Variants in PAX2 observed in about 807,000 individuals in gnomAD.
PAX2 encodes the protein paired box protein Pax-2.
PAX2 carries 9 observed loss-of-function variants against 41.7 expected under a neutral mutation model. The ratio of observed to expected loss-of-function variants is 0.22; its 90% CI spans 0.13 to 0.38. The LOEUF is 0.38. Ranked by LOEUF, PAX2 falls within the 10% of genes least tolerant of loss-of-function variation. The pLI, the probability that PAX2 is intolerant of heterozygous loss-of-function variation, is 1.00. For synonymous variants in PAX2, 221 were observed against 212.7 expected (o/e 1.04, Z -0.34); for missense variants, 418 against 531.6 (o/e 0.79, Z 2.10).
chr10:100,753,357 G>T (rs1465521136), intron 3 of PAX2, among the ~76,000 whole-genome samples: 2 of 152,184 alleles, frequency 1.3e-5, no homozygotes, highest in African/African-American at 4.8e-5. Context: ...ATCCCTGTAG[G>T]TGCTTTTTGC....
intron 3 of PAX2, among the ~76,000 whole-genome samples, chr10:100,753,362 T>A (rs1364304353): frequency 6.6e-6 from 1 of 152,160 alleles, no homozygotes; most frequent in East Asian, 1.9e-4. Context: ...TGTAGGTGCT[T>A]TTTGCTCTGA....
chr10:100,796,175 T>C (rs148028246), intron 5 of PAX2, among the ~76,000 whole-genome samples: 112 of 152,350 alleles, frequency 7.4e-4, no homozygotes, highest in Middle Eastern at 3.4e-3. Context: ...GAAGAGATAG[T>C]AAATTTTTAA....
intron 3 of PAX2, among the ~76,000 whole-genome samples, chr10:100,773,233 G>A (rs933573780): frequency 1.3e-5 from 2 of 152,166 alleles, no homozygotes; most frequent in African/African-American, 4.8e-5. Context: ...GAAGTACATA[G>A]AACATTGCCT....
At chr10:100,825,010 C>G in intron 8 of PAX2, 1 of 1,583,378 alleles carries the variant, frequency 6.3e-7, no homozygotes, top group Non-Finnish European at 8.7e-7. Flanking sequence ...TCCACAGCGC[C>G]CACCCACCCA....
intron 1 of PAX2, among the ~76,000 whole-genome samples, chr10:100,738,644 G>T (rs1844849524): frequency 6.6e-6 from 1 of 152,174 alleles, no homozygotes; most frequent in Admixed American, 6.5e-5. Context: ...GTTATCCGCG[G>T]GTCTAGACCT....
chr10:100,808,521 G>A (rs562582578), intron 6 of PAX2, among the ~76,000 whole-genome samples: 1 of 152,264 alleles, frequency 6.6e-6, no homozygotes, highest in Admixed American at 6.5e-5. Context: ...GTTTCAGGCA[G>A]GACACCCTTT....
intron 3 of PAX2, among the ~76,000 whole-genome samples, chr10:100,754,855 A>G (rs1249764384): frequency 3.3e-5 from 5 of 152,168 alleles, no homozygotes; most frequent in Non-Finnish European, 5.9e-5. Flanking sequence ...ACTGCCTACC[A>G]CATCTCCATA....
At position 100,829,273 on chromosome 10, in the gene PAX2, T is replaced by G. The variant is rs1276757976; in HGVS notation, c.*1654T>G. 1 of 230,434 alleles carries G rather than the reference T, an allele frequency of 4.3e-6. No individual in the cohort carries two copies. The highest frequency in any genetic ancestry group is 2.2e-5 in the African/African-American group (1 of 45,066). The allele number at this position is 230,434 out of a possible 1,614,324, so 14.3% of individuals were successfully genotyped here. ...CCGCTTCTCTCCCCCTCTGTCTCTGTCTCTCTCCGTCTCTGTCGCTCTTGT... is the reference window on the plus strand; with the variant it reads ...CCGCTTCTCTCCCCCTCTGTCTCTGGCTCTCTCCGTCTCTGTCGCTCTTGT... On this transcript the variant is annotated 3_prime_UTR_variant, in exon 10 of 10. Coordinates refer to ENST00000355243, the MANE Select transcript of PAX2 (RefSeq NM_000278.5).
At chr10:100,821,086 C>T (rs1288534462) in intron 7 of PAX2, among the ~76,000 whole-genome samples, 1 of 152,204 alleles carries the variant, frequency 6.6e-6, no homozygotes, top group Non-Finnish European at 1.5e-5. Context: ...ATTCCATTAC[C>T]CATTCATATT....
intron 5 of PAX2, among the ~76,000 whole-genome samples, chr10:100,795,560 C>A (rs1346763647): frequency 6.6e-6 from 1 of 152,204 alleles, no homozygotes; most frequent in Admixed American, 6.5e-5. Context: ...TCACCATTTT[C>A]TTTTCTGTTG....
At chr10:100,742,199 A>C (rs1844977793), upstream of PAX2, among the ~76,000 whole-genome samples, 1 of 152,220 alleles carries the variant, frequency 6.6e-6, no homozygotes, top group Non-Finnish European at 1.5e-5. Flanking sequence ...GGTTTCTGGA[A>C]GGCAGCGGGA....
In PAX2 at chr10:100,789,060, G is replaced by T. The variant is rs113611716; in HGVS notation, c.616+7695G>T. On this transcript the variant is annotated intron_variant, in intron 5 of 9. Coordinates refer to ENST00000355243, the MANE Select transcript of PAX2 (RefSeq NM_000278.5). ...CCCAGACCCTGGTTCAGCACTGTAA[G>T]AAGGCATTTATGTTGGTAGGGGGCA... Among the ~76,000 whole-genome samples, 583 of 152,260 alleles carry T rather than the reference G, an allele frequency of 3.8e-3. 4 individuals are homozygous for T. Among genetic ancestry groups the T allele is most frequent in the African/African-American group, 0.013 (552 of 41,544 alleles).
chr10:100,787,057 C>G (rs1246593318), intron 5 of PAX2: 1 of 1,138,768 alleles, frequency 8.8e-7, no homozygotes, highest in Non-Finnish European at 1.2e-6. Context: ...AGGGAAATAG[C>G]TTGGGGGTGG....
At chr10:100,808,005 G>A (rs1455459018) in intron 6 of PAX2, among the ~76,000 whole-genome samples, 3 of 152,154 alleles carry the variant, frequency 2.0e-5, no homozygotes, top group East Asian at 1.9e-4. Context: ...CGAGGCGGGC[G>A]GCTCAGTGCA....
At chr10:100,742,957 CGGCCAGTGACTGGATGAA>C (rs1845023497), upstream of PAX2, among the ~76,000 whole-genome samples, 1 of 137,590 alleles carries the variant, frequency 7.3e-6, no homozygotes, top group Non-Finnish European at 1.5e-5. Flanking sequence ...GTCAGAGGAG[CGGCCAGTGACTGGATGAA>C]GGCCAGCCCT....
At chr10:100,817,239 G>A (rs1042879601) in intron 7 of PAX2, among the ~76,000 whole-genome samples, 2 of 152,212 alleles carry the variant, frequency 1.3e-5, no homozygotes, top group Admixed American at 1.3e-4. Flanking sequence ...TGCCAACTGG[G>A]AAGAGGACTG....
intron 7 of PAX2, among the ~76,000 whole-genome samples, chr10:100,812,057 A>G (rs1166137295): frequency 1.3e-5 from 2 of 152,156 alleles, no homozygotes; most frequent in Non-Finnish European, 2.9e-5. Context: ...TATTGTGTGG[A>G]GGGGAGAGTG....
At chr10:100,749,534 C>G (rs923972012) in intron 1 of PAX2, 60 of 1,357,772 alleles carry the variant, frequency 4.4e-5, no homozygotes, top group Admixed American at 7.0e-5. Flanking sequence ...GAGTCGCCCT[C>G]TCGCCCAGCC....
chr10:100,757,245 G>A (rs9988760), intron 3 of PAX2, among the ~76,000 whole-genome samples: 2,892 of 152,330 alleles, frequency 0.019, 108 homozygotes, highest in African/African-American at 0.067. Context: ...AGGCTCACAG[G>A]ACATGACCTG....
Sources: allele counts gnomAD v4.1 joint callset (sites outside exome capture counted in the v4.1 genomes callset), GRCh38; gene constraint gnomAD v4.1.1; transcripts MANE v1.5; gene names NCBI Gene and HGNC (gene_info 2026-07-23, HGNC 2026-07-21).